The following FANCD2 variants were observed in gnomAD, a reference collection of about 807,000 sequenced individuals.
The protein encoded by FANCD2 is FA complementation group D2.
Under a neutral mutation model 192.3 loss-of-function variants are expected in FANCD2, and 131 were observed. The observed-to-expected ratio is 0.68, with a 90% CI of 0.59 to 0.79. The LOEUF (loss-of-function observed/expected upper bound fraction) is 0.79, where lower values mean the gene tolerates loss of function less well. FANCD2 is among the 30% of genes least tolerant of loss of function. The pLI is 0.00. For missense variants in FANCD2, 1,508 were observed against 1,701.6 expected, an observed-to-expected ratio of 0.89 and a Z score of 2.00; for synonymous variants, 524 against 612.5, an observed-to-expected ratio of 0.86 and a Z score of 2.13.
In FANCD2 at chr3:10,085,823, C is replaced by G. The variant is rs1694161305; in HGVS notation, c.3236C>G (p.Ser1079Cys). 1.2e-6 allele frequency: 2 copies of G among 1,612,446 alleles called. No individual in the cohort carries two copies. Among genetic ancestry groups the G allele is most frequent in the Non-Finnish European group, 1.7e-6 (2 of 1,178,704 alleles). The change falls in exon 33 of 44, where the codon TCT becomes TGT. Residue 1079 changes from serine to cysteine, a missense_variant. Around this residue, in one of 5 missense-constraint regions of FANCD2, gnomAD observed 796 missense variants for 879.4 expected, o/e 0.91. Transcript: ENST00000675286. ...FHGLFAWSGF[S>C]QPENQNLLYS... ...CTTGACTTCCTTAGGAGTGGATTTT[C>G]TCAACCTGAAAATCAGAATTTACTG...
intron 5 of FANCD2, 137 bp downstream of exon 5, chr3:10,034,935 T>C: frequency 2.6e-6 from 2 of 773,646 alleles, no homozygotes; most frequent in South Asian, 1.5e-5. Context: ...TAAACTAAGT[T>C]TAAAATTCCT....
rs1434069831 is a variant in FANCD2, at chr3:10,090,386, G to T, written c.3777+1G>T. ...TGGCACAGCAGCAGACTCGCAGCAGGTGAGTAAGATAATAGTCACTTCAAG... is the reference window on the plus strand; with the variant it reads ...TGGCACAGCAGCAGACTCGCAGCAGTTGAGTAAGATAATAGTCACTTCAAG... On this transcript the variant is annotated splice_donor_variant, in intron 37 of 43. Coordinates refer to ENST00000675286, the MANE Select transcript of FANCD2 (RefSeq NM_001018115.3). LOFTEE classifies it high-confidence loss of function. 3.8e-6 allele frequency: 6 copies of T among 1,598,768 alleles called. No homozygotes were observed. The highest frequency in any genetic ancestry group is 1.1e-5 in the South Asian group (1 of 90,800).
intron 28 of FANCD2, 85 bp downstream of exon 28, chr3:10,073,447 A>C: frequency 9.0e-7 from 1 of 1,113,062 alleles, no homozygotes; most frequent in South Asian, 1.3e-5. Flanking sequence ...GCATTTTACA[A>C]AGAAAAAAAA....
chr3:10,071,483 A>G (rs1265624065), intron 26 of FANCD2, among the ~76,000 whole-genome samples: 1 of 152,244 alleles, frequency 6.6e-6, no homozygotes, highest in Non-Finnish European at 1.5e-5. Context: ...TGGTCCGTAT[A>G]CACAATGGAG....
Position 10,094,320 on chromosome 3 carries a change from A to G in FANCD2, c.3920A>G (p.Lys1307Arg), listed in dbSNP as rs2125090692. The change falls in exon 40 of 44, where the codon AAG (lysine) becomes AGG (arginine). Residue 1307 changes from lysine to arginine, a missense_variant. By Grantham distance (26) the Lys-to-Arg change is conservative (BLOSUM62 2). Transcript: ENST00000675286. The part of the protein sequence containing the change: ...YGRLFVEAFL[K>R]QCMPLLDFSF... ...CGTCTCTTTGTGGAAGCATTTCTGA[A>G]GCAATGTATGCCGCTCCTAGACTTC... is the stretch of plus-strand genomic sequence containing the variant. 6.2e-7 allele frequency: 1 copy of G among 1,614,088 alleles called. No individual in the cohort carries two copies. The highest frequency in any genetic ancestry group is 1.1e-5 in the South Asian group (1 of 91,082).
intron 32 of FANCD2, among the ~76,000 whole-genome samples, chr3:10,085,574 T>C (rs970680189): frequency 6.6e-5 from 10 of 152,038 alleles, no homozygotes; most frequent in African/African-American, 2.4e-4. Context: ...GTATTTTTAG[T>C]AGAGACGGGA....
Position 10,101,590 on chromosome 3 carries a change from C to G in FANCD2, c.*328C>G. The G allele has an allele frequency of 2.7e-6, 1 of 371,914 alleles. No individual in the cohort carries two copies. The highest frequency in any genetic ancestry group is 4.7e-5 in the East Asian group (1 of 21,228). The allele number at this position is 371,914 out of a possible 1,614,324, so 23.0% of individuals were successfully genotyped here. ...TAGTAGATACGGGGTTTTACCATGT[C>G]GGCCAGATGGTCTCAATCTCCTGAA... is the stretch of plus-strand genomic sequence containing the variant. On this transcript the variant is annotated 3_prime_UTR_variant, in exon 44 of 44. Transcript: ENST00000675286.
At chr3:10,084,290 C>CTTT (rs112071263) in intron 32 of FANCD2, among the ~76,000 whole-genome samples, 13 of 142,910 alleles carry the variant, frequency 9.1e-5, no homozygotes, top group Admixed American at 1.4e-4. Context: ...CTACACCTGG[C>CTTT]TTTTTTTTTT....
chr3:10,093,732 T>C (rs188367142), intron 39 of FANCD2, among the ~76,000 whole-genome samples: 1 of 152,304 alleles, frequency 6.6e-6, no homozygotes, highest in Admixed American at 6.5e-5. Flanking sequence ...GAATAGCCTG[T>C]ATTAGCCCTA....
chr3:10,084,660 A>C (rs977627624), intron 32 of FANCD2, among the ~76,000 whole-genome samples: 1 of 152,170 alleles, frequency 6.6e-6, no homozygotes, highest in Non-Finnish European at 1.5e-5. Context: ...CATTGAAGCT[A>C]TGGTAGACCA....
At chr3:10,071,258 C>T (rs575860305) in intron 26 of FANCD2, among the ~76,000 whole-genome samples, 6 of 151,556 alleles carry the variant, frequency 4.0e-5, no homozygotes, top group African/African-American at 1.2e-4. Context: ...TCAATTAGTA[C>T]AAGCACTATG....
chr3:10,090,442 GATTTT>G, intron 37 of FANCD2, 57 bp downstream of exon 37: 4 of 411,126 alleles, frequency 9.7e-6, no homozygotes, highest in Non-Finnish European at 1.3e-5. Flanking sequence ...GGAAGTTGCT[GATTTT>G]TTTTTTTTTT....
chr3:10,031,908 G>A (rs1019734513), intron 2 of FANCD2, among the ~76,000 whole-genome samples: 2 of 152,048 alleles, frequency 1.3e-5, no homozygotes, highest in East Asian at 1.9e-4. Flanking sequence ...GTGAAGTGGC[G>A]CGATCTGGGC....
At chr3:10,036,082 A>ATTTTTTTTTTTTTTTTTTTTTT (rs781686867) in intron 6 of FANCD2, among the ~76,000 whole-genome samples, 7 of 103,870 alleles carry the variant, frequency 6.7e-5, no homozygotes, top group African/African-American at 1.4e-4. Flanking sequence ...AGAATTATAC[A>ATTTTTTTTTTTTTTTTTTTTTT]TTTCTTTTTT....
chr3:10,095,360 T>A (rs750058299), intron 41 of FANCD2, 86 bp downstream of exon 41: 1 of 1,056,112 alleles, frequency 9.5e-7, no homozygotes, highest in Admixed American at 1.9e-5. Context: ...CTACCATCCT[T>A]CTTCCTTTAT....
At chr3:10,061,694 A>G (rs1197617958) in intron 19 of FANCD2, among the ~76,000 whole-genome samples, 1 of 152,226 alleles carries the variant, frequency 6.6e-6, no homozygotes, top group East Asian at 1.9e-4. Flanking sequence ...AAAAGAAAAA[A>G]GAAAAAAATA....
chr3:10,035,295 C>A (rs2124976326), intron 6 of FANCD2, 62 bp downstream of exon 6: 5 of 1,392,338 alleles, frequency 3.6e-6, no homozygotes, highest in South Asian at 1.2e-5. Flanking sequence ...ATGCTCAAGT[C>A]TAAATAGCGG....
chr3:10,082,701 T>G (rs1249666857), intron 32 of FANCD2, among the ~76,000 whole-genome samples: 1 of 152,190 alleles, frequency 6.6e-6, no homozygotes, highest in Non-Finnish European at 1.5e-5. Context: ...AGATCTGAAC[T>G]TAAGCATCCA....
At position 10,039,865 on chromosome 3, in the gene FANCD2, TC is replaced by T; in HGVS notation, c.695+21del. 1.2e-6 allele frequency: 2 copies of T among 1,613,878 alleles called. No homozygotes were observed. The highest frequency in any genetic ancestry group is 2.2e-5 in the South Asian group (2 of 91,068). Reference sequence around the variant, plus strand: ...ACTCAGGTGGATAAACCCTCTGTCATCATCTAAGTGAGGCTCAGCTATGGGG... The same window carrying T: ...ACTCAGGTGGATAAACCCTCTGTCATATCTAAGTGAGGCTCAGCTATGGGG... On this transcript the variant is annotated intron_variant, in intron 9 of 43. Coordinates refer to ENST00000675286, the MANE Select transcript of FANCD2 (RefSeq NM_001018115.3).
Sources: gnomAD v4.1 joint callset for allele counts (sites outside exome capture counted in the v4.1 genomes callset) on GRCh38, gnomAD v4.1.1 for gene constraint, gnomAD v4.1.1 regional missense constraint, MANE v1.5 for transcripts, NCBI Gene and HGNC (gene_info 2026-07-23, HGNC 2026-07-21) for gene names.